The following GLRA2 variants were observed in gnomAD, a reference collection of about 807,000 sequenced individuals.
The protein encoded by GLRA2 is glycine receptor subunit alpha-2.
A neutral mutation model predicts 31.6 loss-of-function variants in GLRA2; 11 were observed. The ratio of observed to expected loss-of-function variants is 0.35; its 90% confidence interval spans 0.22 to 0.58. The LOEUF is 0.58. Ranked by LOEUF, GLRA2 falls within the 20% of genes least tolerant of loss-of-function variation. GLRA2 has a pLI of 0.84. For missense variants in GLRA2, 212 were observed against 351.8 expected (o/e 0.60, Z 3.18); for synonymous variants, 132 against 134.0 (o/e 0.99, Z 0.10).
the GLRA2 span, among the ~76,000 whole-genome samples, chrX:14,513,915 G>T: frequency 4.5e-5 from 5 of 111,697 alleles, no homozygotes; most frequent in Admixed American, 4.8e-4. Context: ...CCCTTACTGG[G>T]CATCTACCCA....
intron 8 of GLRA2, among the ~76,000 whole-genome samples, chrX:14,729,004 C>T (rs186732281): frequency 1.0e-3 from 113 of 112,335 alleles, no homozygotes; most frequent in African/African-American, 3.1e-3. Context: ...GTTGAACTTA[C>T]AAAACTCATT....
rs1314917354 is a variant in GLRA2, at chrX:14,730,473, C to T, written c.1347C>T (p.Val449=). ...ITYKIIRHED[V]HKK is the part of the protein sequence containing the mutation. The stretch of plus-strand genomic sequence containing the variant: ...ACAAGATCATTCGGCATGAAGATGT[C>T]CACAAGAAATAGATGTGCCCTACAG... The change falls in exon 9 of 9, where the codon GTC becomes GTT. Residue 449 remains valine, a synonymous_variant. Transcript: ENST00000218075. 3 of 1,203,029 alleles carry T rather than the reference C, an allele frequency of 2.5e-6. No individual in the cohort carries two copies. The highest frequency in any genetic ancestry group is 2.3e-6 in the Non-Finnish European group (2 of 888,655).
At chrX:14,466,295 C>G in the GLRA2 span, among the ~76,000 whole-genome samples, 3 of 111,029 alleles carry the variant, frequency 2.7e-5, no homozygotes, top group Non-Finnish European at 5.7e-5. Context: ...GTTCCTTACT[C>G]TTGAACAACT....
chrX:14,532,195 G>C, intron 1 of GLRA2, 44 bp from the exon 2 acceptor site: 1 of 990,211 alleles, frequency 1.0e-6, no homozygotes. Flanking sequence ...GCTCTCAAGG[G>C]ATGCAAATGA....
chrX:14,576,143 G>T (rs1343518550), intron 3 of GLRA2, among the ~76,000 whole-genome samples: 2 of 108,244 alleles, frequency 1.8e-5, no homozygotes, highest in East Asian at 5.7e-4. Context: ...ATAAATTACT[G>T]TTCTTTGTGG....
rs970922384 is a variant in GLRA2, at chrX:14,643,260, A to G, written c.930+34055A>G. Among the ~76,000 whole-genome samples, 12 of 112,154 alleles carry G rather than the reference A, an allele frequency of 1.1e-4. No individual in the cohort carries two copies. The Admixed American group carries it at 1.1e-3, about 11-fold the overall frequency. ...CATTGAATTCAGCATTGTGAGACAC[A>G]AAACACTCAGCCATGATGTGTCAGA... On this transcript the variant is annotated intron_variant, in intron 7 of 8. Transcript: ENST00000218075.
At chrX:14,621,527 C>T (rs1370650267) in intron 7 of GLRA2, among the ~76,000 whole-genome samples, 1 of 110,263 alleles carries the variant, frequency 9.1e-6, no homozygotes, top group African/African-American at 3.3e-5. Flanking sequence ...CCCCAGCCCC[C>T]GACAGGCCCC....
At chrX:14,676,867 T>C (rs2091150320) in intron 7 of GLRA2, among the ~76,000 whole-genome samples, 1 of 111,703 alleles carries the variant, frequency 9.0e-6, no homozygotes, top group Admixed American at 9.5e-5. Flanking sequence ...TTGCCAAAGT[T>C]TTCAAAAATG....
chrX:14,687,841 C>T (rs189671869), intron 7 of GLRA2, among the ~76,000 whole-genome samples: 2 of 112,639 alleles, frequency 1.8e-5, no homozygotes, highest in East Asian at 2.8e-4. Flanking sequence ...CCACTGCTGG[C>T]GAGGAGCTGC....
At chrX:14,597,909 T>A (rs981227887) in intron 4 of GLRA2, among the ~76,000 whole-genome samples, 3 of 112,021 alleles carry the variant, frequency 2.7e-5, no homozygotes, top group African/African-American at 9.7e-5. Flanking sequence ...TGTGTGATAA[T>A]ACTCAGTGAT....
At chrX:14,648,885 C>A (rs1313902685) in intron 7 of GLRA2, among the ~76,000 whole-genome samples, 1 of 111,820 alleles carries the variant, frequency 8.9e-6, no homozygotes, top group African/African-American at 3.3e-5. Flanking sequence ...GGTGGAAATG[C>A]AAAATGTTTA....
intron 8 of GLRA2, among the ~76,000 whole-genome samples, chrX:14,696,184 GTGGGAGGGAGGGAGAA>G (rs1316311277): frequency 9.9e-6 from 1 of 101,459 alleles, no homozygotes; most frequent in African/African-American, 3.6e-5. Context: ...GGGAGGGAGA[GTGGGAGGGAGGGAGAA>G]TGGGATGGAG....
chrX:14,556,042 A>G (rs752513845), intron 2 of GLRA2, among the ~76,000 whole-genome samples: 1 of 111,939 alleles, frequency 8.9e-6, no homozygotes, highest in South Asian at 3.8e-4. Context: ...AATGCTAGGA[A>G]AGATGATATT....
chrX:14,563,772 T>C lies in GLRA2; in HGVS notation c.203-10561T>C, dbSNP rs746533041. 1.2e-4 allele frequency among the ~76,000 whole-genome samples: 13 copies of C among 110,210 alleles called. No individual in the cohort carries two copies. In the South Asian group the frequency reaches 4.9e-3, roughly 41 times the overall value. ...TAAAATGAGAATATCAATAAAGAAA[T>C]ATAAATTGTAAAAAAAATTCTGTAT... On this transcript the variant is annotated intron_variant, in intron 2 of 8. Coordinates refer to ENST00000218075, the MANE Select transcript of GLRA2 (RefSeq NM_002063.4).
chrX:14,482,000 A>G, the GLRA2 span, among the ~76,000 whole-genome samples: 223 of 111,878 alleles, frequency 2.0e-3, no homozygotes, highest in African/African-American at 7.0e-3. Context: ...TACACACAAA[A>G]GCAAGTAGGG....
intron 7 of GLRA2, among the ~76,000 whole-genome samples, chrX:14,625,615 G>A (rs746320368): frequency 2.7e-5 from 3 of 111,365 alleles, no homozygotes; most frequent in East Asian, 2.8e-4. Flanking sequence ...ATGAAGCTTA[G>A]TTTGGCTGGA....
At chrX:14,665,578 G>A (rs186729572) in intron 7 of GLRA2, among the ~76,000 whole-genome samples, 6 of 111,691 alleles carry the variant, frequency 5.4e-5, no homozygotes, top group Non-Finnish European at 9.4e-5. Context: ...TGGAGGGGAT[G>A]TATAGTCAGT....
At chrX:14,536,381 C>T (rs1468532727) in intron 2 of GLRA2, among the ~76,000 whole-genome samples, 1 of 111,702 alleles carries the variant, frequency 9.0e-6, no homozygotes, top group Non-Finnish European at 1.9e-5. Context: ...AAGGGTGCTT[C>T]TTTAAGTTAG....
At chrX:14,482,674 G>A in the GLRA2 span, among the ~76,000 whole-genome samples, 1 of 110,334 alleles carries the variant, frequency 9.1e-6, no homozygotes, top group East Asian at 2.8e-4. Flanking sequence ...TCAGCCAGGG[G>A]CCCTAAAATT....
Sources: allele counts gnomAD v4.1 joint callset (sites outside exome capture counted in the v4.1 genomes callset), GRCh38; gene constraint gnomAD v4.1.1; transcripts MANE v1.5; gene names NCBI Gene and HGNC (gene_info 2026-07-23, HGNC 2026-07-21).